Variants in CPEB3 observed in about 807,000 individuals in gnomAD.
CPEB3 encodes the protein cytoplasmic polyadenylation element binding protein 3, also known as cytoplasmic polyadenylation element-binding protein 3.
Under a neutral mutation model 67.2 loss-of-function variants are expected in CPEB3, and 20 were observed. The observed-to-expected ratio is 0.30, with a 90% CI of 0.21 to 0.43. The LOEUF (loss-of-function observed/expected upper bound fraction) is 0.43. Among genes scored for constraint, CPEB3 ranks in the 20% least tolerant of loss-of-function variants. CPEB3 has a pLI of 1.00. For missense variants in CPEB3, 746 were observed against 968.6 expected, an observed-to-expected ratio of 0.77 and a Z score of 3.05; for synonymous variants, 376 against 393.1, an observed-to-expected ratio of 0.96 and a Z score of 0.51.
intron 2 of CPEB3, among the ~76,000 whole-genome samples, chr10:92,231,731 T>C (rs1252517672): frequency 1.3e-5 from 2 of 152,176 alleles, no homozygotes. Context: ...TCTTTTCTTT[T>C]CTTTTTAAGA....
intron 2 of CPEB3, among the ~76,000 whole-genome samples, chr10:92,224,045 G>A (rs1850843967): frequency 2.0e-5 from 3 of 152,154 alleles, no homozygotes; most frequent in Non-Finnish European, 4.4e-5. Flanking sequence ...GATTACAGGT[G>A]TAAACCACCA....
intron 2 of CPEB3, among the ~76,000 whole-genome samples, chr10:92,215,532 C>T (rs1310065958): frequency 1.3e-5 from 2 of 149,982 alleles, no homozygotes; most frequent in Non-Finnish European, 3.0e-5. Context: ...ACCTCCACCT[C>T]CCGGGTTCAA....
intron 9 of CPEB3, among the ~76,000 whole-genome samples, chr10:92,062,880 CCT>C (rs1213651335): frequency 6.6e-6 from 1 of 152,210 alleles, no homozygotes; most frequent in Non-Finnish European, 1.5e-5. Context: ...TTAAGCTGAA[CCT>C]CTGTTTCAAA....
At chr10:92,072,100 A>C (rs972817834) in intron 9 of CPEB3, among the ~76,000 whole-genome samples, 1 of 152,330 alleles carries the variant, frequency 6.6e-6, no homozygotes, top group South Asian at 2.1e-4. Context: ...AAATCTTTTC[A>C]GTATCGAAAA....
intron 9 of CPEB3, among the ~76,000 whole-genome samples, chr10:92,067,372 T>G (rs1223542012): frequency 6.6e-6 from 1 of 151,424 alleles, no homozygotes; most frequent in East Asian, 2.0e-4. Flanking sequence ...TGGTGGCGCA[T>G]GCCTGTAGTC....
chr10:92,255,690 TGTTA>T (rs1340206651), intron 1 of CPEB3, among the ~76,000 whole-genome samples: 1 of 152,222 alleles, frequency 6.6e-6, no homozygotes, highest in Admixed American at 6.5e-5. Flanking sequence ...CCTATGGAAC[TGTTA>T]GTTAATAAAT....
chr10:92,279,122 T>C (rs540988274), intron 1 of CPEB3, among the ~76,000 whole-genome samples: 1 of 152,294 alleles, frequency 6.6e-6, no homozygotes, highest in South Asian at 2.1e-4. Flanking sequence ...TTCCTGATCA[T>C]AGGGGGAAAG....
intron 6 of CPEB3, among the ~76,000 whole-genome samples, chr10:92,133,035 T>C (rs1330583625): frequency 6.6e-6 from 1 of 152,208 alleles, no homozygotes; most frequent in Non-Finnish European, 1.5e-5. Context: ...GAGGGAAATT[T>C]GTAGCACTAA....
chr10:92,145,457 C>T (rs1049036165), intron 4 of CPEB3, among the ~76,000 whole-genome samples: 6 of 151,968 alleles, frequency 3.9e-5, no homozygotes, highest in African/African-American at 9.7e-5. Flanking sequence ...GGCAAAACCC[C>T]GTCTCTACTA....
intron 1 of CPEB3, among the ~76,000 whole-genome samples, chr10:92,242,568 C>T (rs1474646056): frequency 2.6e-5 from 4 of 152,134 alleles, no homozygotes; most frequent in African/African-American, 9.7e-5. Context: ...TTATAATAGC[C>T]ATATCATCAT....
At chr10:92,176,512 C>T (rs1043081977) in intron 4 of CPEB3, among the ~76,000 whole-genome samples, 1 of 152,236 alleles carries the variant, frequency 6.6e-6, no homozygotes, top group African/African-American at 2.4e-5. Flanking sequence ...TGCCTTCCAG[C>T]CTGCTTCAAA....
intron 7 of CPEB3, among the ~76,000 whole-genome samples, chr10:92,100,011 T>C (rs1844098268): frequency 6.6e-6 from 1 of 152,016 alleles, no homozygotes; most frequent in African/African-American, 2.4e-5. Context: ...GAAAACCTTT[T>C]CAAAATTAGC....
At chr10:92,188,294 A>G (rs200175947) in intron 3 of CPEB3, among the ~76,000 whole-genome samples, 1 of 147,312 alleles carries the variant, frequency 6.8e-6, no homozygotes, top group East Asian at 2.0e-4. Context: ...CTCTCAAACG[A>G]AAAGAAAAGT....
At chr10:92,234,045 G>T (rs912597305) in intron 2 of CPEB3, among the ~76,000 whole-genome samples, 1 of 148,726 alleles carries the variant, frequency 6.7e-6, no homozygotes, top group Non-Finnish European at 1.5e-5. Flanking sequence ...GATGGAGGTT[G>T]CAGTAAGCCG....
At chr10:92,211,312 T>C (rs1250772925) in intron 2 of CPEB3, among the ~76,000 whole-genome samples, 2 of 152,106 alleles carry the variant, frequency 1.3e-5, no homozygotes, top group Non-Finnish European at 2.9e-5. Context: ...AACTCTTACA[T>C]TGTCTTTGTA....
chr10:92,137,747 C>A, intron 6 of CPEB3: 1 of 321,232 alleles, frequency 3.1e-6, no homozygotes, highest in Non-Finnish European at 5.7e-6. Flanking sequence ...GCCTGTAATC[C>A]CAGCACTTTG....
At chr10:92,169,179 C>T (rs1225365847) in intron 4 of CPEB3, among the ~76,000 whole-genome samples, 1 of 149,920 alleles carries the variant, frequency 6.7e-6, no homozygotes, top group Non-Finnish European at 1.5e-5. Context: ...GCTCTTATTG[C>T]ACAGGCTAGA....
chr10:92,142,881 T>C (rs1410982887), intron 6 of CPEB3, 148 bp downstream of exon 6: 4 of 510,316 alleles, frequency 7.8e-6, no homozygotes, highest in African/African-American at 1.9e-5. Context: ...GGAAACATAA[T>C]ACACAAAAGG....
intron 1 of CPEB3, among the ~76,000 whole-genome samples, chr10:92,261,426 G>T (rs1249930022): frequency 5.9e-5 from 9 of 151,868 alleles, no homozygotes; most frequent in Non-Finnish European, 1.2e-4. Context: ...CAAAGGAAGG[G>T]GTCCCTTTTT....
Sources: gnomAD v4.1 joint callset for allele counts (sites outside exome capture counted in the v4.1 genomes callset) on GRCh38, gnomAD v4.1.1 for gene constraint, MANE v1.5 for transcripts, NCBI Gene and HGNC (gene_info 2026-07-23, HGNC 2026-07-21) for gene names.